Variants in CADM2 observed in about 807,000 individuals in gnomAD.
CADM2 encodes immunoglobulin superfamily member 4D.
In CADM2, 12 loss-of-function variants were observed where a neutral mutation model predicts 49.8. The observed-to-expected ratio is 0.24, with a 90% CI of 0.15 to 0.39. The LOEUF is 0.39. CADM2 is among the 10% of genes least tolerant of loss of function. CADM2 has a pLI of 1.00. For synonymous variants in CADM2, 214 were observed against 175.4 expected (o/e 1.22, Z -1.74); for missense variants, 378 against 492.3 (o/e 0.77, Z 2.20).
chr3:85,381,503 T>G (rs932416635), intron 1 of CADM2, among the ~76,000 whole-genome samples: 1 of 147,798 alleles, frequency 6.8e-6, no homozygotes, highest in Non-Finnish European at 1.5e-5. Context: ...ATAAAGAATA[T>G]ATATATAAAG....
chr3:85,128,769 T>C (rs2107605398), intron 1 of CADM2, among the ~76,000 whole-genome samples: 1 of 152,318 alleles, frequency 6.6e-6, no homozygotes, highest in South Asian at 2.1e-4. Context: ...TGTGGGTGCA[T>C]CAGAAGCAAG....
intron 6 of CADM2, among the ~76,000 whole-genome samples, chr3:85,933,224 C>T (rs1211356387): frequency 1.3e-5 from 2 of 151,978 alleles, no homozygotes; most frequent in East Asian, 3.9e-4. Context: ...TCCTCCACCC[C>T]CACCCTCAGG....
intron 1 of CADM2, among the ~76,000 whole-genome samples, chr3:85,208,669 G>T (rs1170777431): frequency 6.6e-6 from 1 of 152,156 alleles, no homozygotes; most frequent in African/African-American, 2.4e-5. Flanking sequence ...TTTAAGTGGA[G>T]ACAGGCAGCT....
rs148625125 is a variant in CADM2 at position 85,525,121 on chromosome 3, G to A, written c.62-201401G>A. ...GTATACCTAGGTAACAAACCTGCACGTTCTGCACGTGTATCCCAGAGCTTA... is the reference window on the plus strand; with the variant it reads ...GTATACCTAGGTAACAAACCTGCACATTCTGCACGTGTATCCCAGAGCTTA... On this transcript the variant is annotated intron_variant, in intron 1 of 9. Transcript: ENST00000383699. Among the ~76,000 whole-genome samples the A allele has an allele frequency of 3.6e-3, 549 of 152,112 alleles. 4 individuals carry two copies. The highest frequency in any genetic ancestry group is 0.013 in the African/African-American group (529 of 41,490).
chr3:85,318,985 C>A (rs939567745), intron 1 of CADM2, among the ~76,000 whole-genome samples: 17 of 152,112 alleles, frequency 1.1e-4, no homozygotes, highest in African/African-American at 3.6e-4. Context: ...GTGAATTTTT[C>A]AGATAGCTTG....
intron 3 of CADM2, among the ~76,000 whole-genome samples, chr3:85,873,947 G>C (rs1480611645): frequency 6.6e-6 from 1 of 151,982 alleles, no homozygotes; most frequent in Non-Finnish European, 1.5e-5. Flanking sequence ...AGATCAAGTG[G>C]TGAAACTTTC....
chr3:85,981,575 T>C (rs1054000432), intron 8 of CADM2, among the ~76,000 whole-genome samples: 1 of 151,710 alleles, frequency 6.6e-6, no homozygotes, highest in African/African-American at 2.4e-5. Context: ...GTCCTCAATA[T>C]TTAGCTCTGA....
At chr3:85,670,795 G>A (rs1234591404) in intron 1 of CADM2, among the ~76,000 whole-genome samples, 2 of 152,164 alleles carry the variant, frequency 1.3e-5, no homozygotes, top group African/African-American at 4.8e-5. Context: ...CATGAAGAAT[G>A]TTGTCATTCA....
intron 1 of CADM2, among the ~76,000 whole-genome samples, chr3:85,536,952 CA>C (rs565905870): frequency 6.1e-5 from 9 of 148,132 alleles, no homozygotes; most frequent in Admixed American, 6.7e-5. Context: ...CACAGCATGG[CA>C]AAAAAAAATA....
intron 1 of CADM2, among the ~76,000 whole-genome samples, chr3:85,182,267 G>T (rs2040954578): frequency 6.6e-6 from 1 of 152,026 alleles, no homozygotes; most frequent in Admixed American, 6.6e-5. Context: ...GAAATTAGTG[G>T]CTCACTTCTT....
chr3:85,021,877 C>T lies in CADM2; in HGVS notation c.61+62209C>T, dbSNP rs184030995. 3.8e-4 allele frequency among the ~76,000 whole-genome samples: 58 copies of T among 152,300 alleles called. No individual in the cohort carries two copies. In the East Asian group the frequency reaches 6.8e-3, roughly 18 times the overall value. On this transcript the variant is annotated intron_variant, in intron 1 of 9. Coordinates refer to ENST00000383699, the MANE Select transcript of CADM2 (RefSeq NM_001167675.2). ...TTGTGAAACACGTGTTATAATCTTA[C>T]AGAACTCAGTGTGGGGATTGCTAAC...
intron 6 of CADM2, among the ~76,000 whole-genome samples, chr3:85,931,653 A>G (rs1411507228): frequency 6.6e-6 from 1 of 152,158 alleles, no homozygotes; most frequent in Non-Finnish European, 1.5e-5. Flanking sequence ...AAGCATTTGA[A>G]TTAAGATTTT....
chr3:85,473,560 T>A (rs2038855900), intron 1 of CADM2, among the ~76,000 whole-genome samples: 1 of 152,184 alleles, frequency 6.6e-6, no homozygotes, highest in African/African-American at 2.4e-5. Context: ...AGGAAACATA[T>A]TCAGACAAAT....
At chr3:86,041,459 C>T (rs1578035379) in intron 8 of CADM2, among the ~76,000 whole-genome samples, 1 of 152,104 alleles carries the variant, frequency 6.6e-6, no homozygotes, top group Non-Finnish European at 1.5e-5. Context: ...AGACTTTAAA[C>T]CGACAAAGAT....
chr3:85,600,110 T>C (rs1199282983), intron 1 of CADM2, among the ~76,000 whole-genome samples: 9 of 151,994 alleles, frequency 5.9e-5, no homozygotes, highest in African/African-American at 2.2e-4. Flanking sequence ...TTAATAATAT[T>C]TCAACTTTCA....
intron 1 of CADM2, among the ~76,000 whole-genome samples, chr3:85,597,780 GAC>G (rs1393502817): frequency 6.6e-6 from 1 of 152,038 alleles, no homozygotes; most frequent in Non-Finnish European, 1.5e-5. Context: ...AAGTTGATTA[GAC>G]AGTTTTCCCC....
intron 1 of CADM2, among the ~76,000 whole-genome samples, chr3:85,578,765 G>C (rs758740286): frequency 1.3e-5 from 2 of 152,136 alleles, no homozygotes; most frequent in Non-Finnish European, 2.9e-5. Context: ...TCTGTTCTAT[G>C]TCATCTTTAT....
At position 85,302,793 on chromosome 3, in the gene CADM2, T is replaced by C. The variant is rs866962749; in HGVS notation, c.61+343125T>C. 3.3e-5 allele frequency among the ~76,000 whole-genome samples: 5 copies of C among 151,990 alleles called. No individual in the cohort carries two copies. In the South Asian group the frequency reaches 6.2e-4, roughly 19 times the overall value. On this transcript the variant is annotated intron_variant, in intron 1 of 9. Coordinates refer to ENST00000383699, the MANE Select transcript of CADM2 (RefSeq NM_001167675.2). ...TTGCATTTTTCTTCTTCAACAGCTATGTAATATAACAATTGTATGTACAGA... is the reference window on the plus strand; with the variant it reads ...TTGCATTTTTCTTCTTCAACAGCTACGTAATATAACAATTGTATGTACAGA...
chr3:85,274,569 C>T (rs1355808710), intron 1 of CADM2, among the ~76,000 whole-genome samples: 3 of 151,274 alleles, frequency 2.0e-5, no homozygotes, highest in African/African-American at 4.8e-5. Context: ...CTGATTCATT[C>T]GATAGTCCAA....
Sources: allele counts gnomAD v4.1 joint callset (sites outside exome capture counted in the v4.1 genomes callset), GRCh38; gene constraint gnomAD v4.1.1; transcripts MANE v1.5; gene names NCBI Gene and HGNC (gene_info 2026-07-23, HGNC 2026-07-21).